Variants in LRRTM4 observed in about 807,000 individuals in gnomAD.
The protein encoded by LRRTM4 is leucine-rich repeat transmembrane neuronal protein 4.
A neutral mutation model predicts 47.6 loss-of-function variants in LRRTM4; 25 were observed. That is an observed-to-expected ratio of 0.53 (90% confidence interval 0.38 to 0.73). The LOEUF (loss-of-function observed/expected upper bound fraction) is 0.73, where lower values mean the gene tolerates loss of function less well. Among genes scored for constraint, LRRTM4 ranks in the 30% least tolerant of loss-of-function variants. The pLI is 0.00. For missense variants in LRRTM4, 638 were observed against 713.4 expected, an observed-to-expected ratio of 0.89 and a Z score of 1.20; for synonymous variants, 311 against 269.5, an observed-to-expected ratio of 1.15 and a Z score of -1.51.
intron 3 of LRRTM4, among the ~76,000 whole-genome samples, chr2:76,792,491 G>C (rs889595524): frequency 4.6e-5 from 7 of 152,166 alleles, no homozygotes; most frequent in African/African-American, 1.7e-4. Context: ...TTCCTGAAGA[G>C]TTTGTAGTAT....
intron 3 of LRRTM4, among the ~76,000 whole-genome samples, chr2:77,471,271 T>C (rs1324743421): frequency 6.6e-6 from 1 of 152,144 alleles, no homozygotes; most frequent in Non-Finnish European, 1.5e-5. Flanking sequence ...CTATACCTTA[T>C]ACATCATCAG....
intron 3 of LRRTM4, among the ~76,000 whole-genome samples, chr2:76,791,112 A>G (rs1674947431): frequency 6.6e-6 from 1 of 152,164 alleles, no homozygotes; most frequent in Admixed American, 6.5e-5. Context: ...ATTCTCTTGA[A>G]TCTTGCTGTG....
At chr2:77,441,522 G>A (rs141934897) in intron 3 of LRRTM4, among the ~76,000 whole-genome samples, 251 of 152,198 alleles carry the variant, frequency 1.6e-3, no homozygotes, top group Admixed American at 5.3e-3. Flanking sequence ...TTCATTTTGG[G>A]AAAGTTGATG....
chr2:77,154,823 T>C (rs1187935885), intron 3 of LRRTM4, among the ~76,000 whole-genome samples: 3 of 152,138 alleles, frequency 2.0e-5, no homozygotes, highest in African/African-American at 7.2e-5. Flanking sequence ...AAGAGCCTGA[T>C]TCATTTCATG....
At chr2:77,049,627 TTTAAA>T (rs961176803) in intron 3 of LRRTM4, among the ~76,000 whole-genome samples, 49 of 148,058 alleles carry the variant, frequency 3.3e-4, no homozygotes, top group African/African-American at 1.1e-3. Flanking sequence ...TTTGCCCATT[TTTAAA>T]TTAAATTAAT....
chr2:77,075,786 G>C (rs1395624130), intron 3 of LRRTM4, among the ~76,000 whole-genome samples: 3 of 148,154 alleles, frequency 2.0e-5, no homozygotes, highest in African/African-American at 5.0e-5. Flanking sequence ...GTAGTGGCGG[G>C]CGCCTGTAGT....
chr2:77,148,481 A>G (rs1332480698), intron 3 of LRRTM4, among the ~76,000 whole-genome samples: 2 of 152,098 alleles, frequency 1.3e-5, no homozygotes, highest in Non-Finnish European at 2.9e-5. Context: ...CCCAAACACA[A>G]ACCCTACATT....
intron 3 of LRRTM4, chr2:77,517,497 G>A: frequency 1.0e-6 from 1 of 985,014 alleles, no homozygotes; most frequent in Non-Finnish European, 1.2e-6. Context: ...ACAAAATTGT[G>A]ACCTGATTTT....
intron 3 of LRRTM4, among the ~76,000 whole-genome samples, chr2:77,398,671 T>C (rs777540696): frequency 2.8e-4 from 43 of 151,902 alleles, no homozygotes; most frequent in Non-Finnish European, 3.5e-4. Context: ...GCTGGGTATA[T>C]GGCAGATCCA....
intron 3 of LRRTM4, among the ~76,000 whole-genome samples, chr2:76,992,646 C>T (rs1174223658): frequency 2.0e-5 from 3 of 151,586 alleles, no homozygotes; most frequent in Admixed American, 2.0e-4. Flanking sequence ...AATGGAAAAA[C>T]AATCCATGTT....
intron 3 of LRRTM4, among the ~76,000 whole-genome samples, chr2:76,831,414 C>T (rs964752128): frequency 6.6e-6 from 1 of 152,128 alleles, no homozygotes; most frequent in African/African-American, 2.4e-5. Context: ...GTGTTCTACA[C>T]CACCTGGTAT....
At chr2:77,124,403 CG>C (rs1045394593) in intron 3 of LRRTM4, among the ~76,000 whole-genome samples, 64 of 152,010 alleles carry the variant, frequency 4.2e-4, no homozygotes, top group African/African-American at 1.5e-3. Flanking sequence ...ACAGACAAAG[CG>C]GTATTTTAGC....
chr2:77,408,651 T>TC (rs1207428319), intron 3 of LRRTM4, among the ~76,000 whole-genome samples: 1 of 151,978 alleles, frequency 6.6e-6, no homozygotes, highest in African/African-American at 2.4e-5. Context: ...AGCCTCTGAA[T>TC]CCCCCCAGGA....
chr2:77,459,256 T>C (rs1676683765), intron 3 of LRRTM4, among the ~76,000 whole-genome samples: 1 of 152,244 alleles, frequency 6.6e-6, no homozygotes, highest in South Asian at 2.1e-4. Context: ...ACTTTTGTTA[T>C]TGTGCTATTG....
chr2:76,926,582 A>G (rs1674596556), intron 3 of LRRTM4, among the ~76,000 whole-genome samples: 1 of 152,148 alleles, frequency 6.6e-6, no homozygotes, highest in African/African-American at 2.4e-5. Flanking sequence ...TGATTAGGCC[A>G]GGAGGGCTCT....
rs371630920 is a variant in LRRTM4, at chr2:77,149,112, G to A, written c.1551+369206C>T. The stretch of plus-strand genomic sequence containing the variant: ...TTAGTAAGTACTGTGACCACTAGAC[G>A]CACATGGCCATTGAGCATTTGATCT... On this transcript the variant is annotated intron_variant, in intron 3 of 3. Transcript: ENST00000409884. Among the ~76,000 whole-genome samples the A allele has an allele frequency of 3.9e-5, 6 of 152,160 alleles. No homozygotes were observed. In the East Asian group the frequency reaches 5.8e-4, roughly 15 times the overall value.
intron 3 of LRRTM4, among the ~76,000 whole-genome samples, chr2:77,064,832 C>T (rs998955827): frequency 6.6e-6 from 1 of 151,870 alleles, no homozygotes; most frequent in South Asian, 2.1e-4. Flanking sequence ...TTTTTCGTAC[C>T]CTGCTTTCTC....
intron 3 of LRRTM4, among the ~76,000 whole-genome samples, chr2:77,000,655 G>T (rs1246592856): frequency 6.6e-6 from 1 of 152,158 alleles, no homozygotes; most frequent in African/African-American, 2.4e-5. Context: ...GGAACAGGAA[G>T]CAAAAGAGAG....
In LRRTM4 at chr2:77,262,505, AT is replaced by A. The variant is rs1553418380; in HGVS notation, c.1551+255812del. Among the ~76,000 whole-genome samples the A allele has an allele frequency of 2.2e-3, 325 of 148,640 alleles. 2 individuals carry two copies. Among genetic ancestry groups the A allele is most frequent in the African/African-American group, 6.3e-3 (258 of 40,784 alleles). On this transcript the variant is annotated intron_variant, in intron 3 of 3. Transcript: ENST00000409884. Reference sequence around the variant, plus strand: ...TTTACATTTGTTTAGTTTTTACCTAATTTTTTTTTTCTGTTCTAGGATCCCA... The same window carrying A: ...TTTACATTTGTTTAGTTTTTACCTAATTTTTTTTTCTGTTCTAGGATCCCA...
Sources: allele counts gnomAD v4.1 joint callset (sites outside exome capture counted in the v4.1 genomes callset), GRCh38; gene constraint gnomAD v4.1.1; transcripts MANE v1.5; gene names NCBI Gene and HGNC (gene_info 2026-07-23, HGNC 2026-07-21).